The following SCFD2 variants were observed in gnomAD, a reference collection of about 807,000 sequenced individuals.
The protein encoded by SCFD2 is sec1 family domain containing 2.
A neutral mutation model predicts 58.9 loss-of-function variants in SCFD2; 54 were observed. The observed-to-expected ratio is 0.92, with a 90% confidence interval of 0.74 to 1.15. The LOEUF (loss-of-function observed/expected upper bound fraction) is 1.15, where lower values mean the gene tolerates loss of function less well. SCFD2 is among the 50% of genes most tolerant of loss of function. SCFD2 has a pLI of 0.00. For synonymous variants in SCFD2, 321 were observed against 335.9 expected (o/e 0.96, Z 0.49); for missense variants, 805 against 836.6 (o/e 0.96, Z 0.47).
chr4:53,000,766 G>A (rs897604762), intron 5 of SCFD2, among the ~76,000 whole-genome samples: 29 of 152,190 alleles, frequency 1.9e-4, no homozygotes, highest in African/African-American at 6.0e-4. Context: ...TGTTGTTGAG[G>A]ACCTGTTACA....
At chr4:53,260,156 C>T (rs757449392) in intron 4 of SCFD2, among the ~76,000 whole-genome samples, 21 of 152,012 alleles carry the variant, frequency 1.4e-4, no homozygotes, top group Non-Finnish European at 2.5e-4. Flanking sequence ...TTTAGGTATA[C>T]GATCATATCA....
At chr4:52,917,317 G>A (rs571176634) in intron 6 of SCFD2, among the ~76,000 whole-genome samples, 2 of 152,304 alleles carry the variant, frequency 1.3e-5, no homozygotes, top group East Asian at 3.9e-4. Flanking sequence ...ACAGAGACGT[G>A]AAGTTGCTTG....
At chr4:53,287,905 C>A (rs570472980) in intron 3 of SCFD2, among the ~76,000 whole-genome samples, 10 of 151,584 alleles carry the variant, frequency 6.6e-5, no homozygotes, top group Non-Finnish European at 1.3e-4. Flanking sequence ...TAAAAAAGGA[C>A]CAAACAGAAT....
chr4:53,062,767 C>T (rs1277051911), intron 5 of SCFD2, among the ~76,000 whole-genome samples: 3 of 152,138 alleles, frequency 2.0e-5, no homozygotes, highest in African/African-American at 2.4e-5. Context: ...AAAATTATGG[C>T]TGAACAGTGA....
At chr4:53,061,169 T>A (rs895105788) in intron 5 of SCFD2, among the ~76,000 whole-genome samples, 4 of 152,136 alleles carry the variant, frequency 2.6e-5, no homozygotes, top group Non-Finnish European at 5.9e-5. Flanking sequence ...AAACATCAGG[T>A]CTTTCTTGAG....
At chr4:53,208,388 A>G (rs1401031199) in intron 4 of SCFD2, among the ~76,000 whole-genome samples, 1 of 152,146 alleles carries the variant, frequency 6.6e-6, no homozygotes, top group Non-Finnish European at 1.5e-5. Context: ...TGATCTATAC[A>G]TATTTACTAA....
At chr4:53,098,375 T>C (rs1434303191) in intron 5 of SCFD2, among the ~76,000 whole-genome samples, 1 of 152,232 alleles carries the variant, frequency 6.6e-6, no homozygotes, top group Non-Finnish European at 1.5e-5. Context: ...AGGCTATTAA[T>C]TATTGCTTCA....
At chr4:52,944,295 G>A (rs370012384) in intron 5 of SCFD2, among the ~76,000 whole-genome samples, 98 of 152,248 alleles carry the variant, frequency 6.4e-4, no homozygotes, top group African/African-American at 2.2e-3. Flanking sequence ...ATGTTATTGA[G>A]TTCTATACCA....
intron 5 of SCFD2, among the ~76,000 whole-genome samples, chr4:53,139,856 T>C (rs1038720425): frequency 2.0e-5 from 3 of 152,252 alleles, no homozygotes; most frequent in Admixed American, 6.5e-5. Flanking sequence ...TTTTGTTCTA[T>C]ACTAAGAAAA....
At chr4:53,098,135 T>C (rs1403092474) in intron 5 of SCFD2, among the ~76,000 whole-genome samples, 1 of 152,200 alleles carries the variant, frequency 6.6e-6, no homozygotes, top group Non-Finnish European at 1.5e-5. Flanking sequence ...TTATTGAGGA[T>C]TTTTGCATCG....
chr4:52,929,583 C>A (rs989846865), intron 5 of SCFD2, among the ~76,000 whole-genome samples: 1 of 152,108 alleles, frequency 6.6e-6, no homozygotes, highest in African/African-American at 2.4e-5. Flanking sequence ...TGGTGGGAAG[C>A]CTGAAGGAAG....
At chr4:53,297,570 C>T (rs1051824820) in intron 3 of SCFD2, among the ~76,000 whole-genome samples, 12 of 152,082 alleles carry the variant, frequency 7.9e-5, no homozygotes, top group Admixed American at 5.9e-4. Flanking sequence ...GATGGGTCTC[C>T]GGAATACGGC....
chr4:52,907,401 T>A, intron 7 of SCFD2, 56 bp downstream of exon 7: 1 of 1,579,586 alleles, frequency 6.3e-7, no homozygotes, highest in South Asian at 1.1e-5. Flanking sequence ...AGCATTTTCA[T>A]GCCCAGCAAA....
chr4:52,915,251 C>T (rs917038931), intron 6 of SCFD2, among the ~76,000 whole-genome samples: 1 of 152,216 alleles, frequency 6.6e-6, no homozygotes, highest in Non-Finnish European at 1.5e-5. Flanking sequence ...ACATCTCCAT[C>T]AGCTGGGGCT....
chr4:53,032,848 G>C (rs1405082839), intron 5 of SCFD2, among the ~76,000 whole-genome samples: 1 of 152,112 alleles, frequency 6.6e-6, no homozygotes, highest in Non-Finnish European at 1.5e-5. Flanking sequence ...AAGAGACTTA[G>C]ACTCCCACAC....
intron 5 of SCFD2, among the ~76,000 whole-genome samples, chr4:53,046,064 G>T (rs904185441): frequency 1.3e-5 from 2 of 152,032 alleles, no homozygotes; most frequent in African/African-American, 2.4e-5. Flanking sequence ...GCAGAAGTGG[G>T]CCCAGAATGC....
intron 5 of SCFD2, among the ~76,000 whole-genome samples, chr4:53,071,242 C>T (rs1264276995): frequency 6.6e-6 from 1 of 152,066 alleles, no homozygotes; most frequent in Non-Finnish European, 1.5e-5. Flanking sequence ...TCGTACGCAT[C>T]CTGGATGAAT....
At chr4:53,256,060 G>C (rs1189893886) in intron 4 of SCFD2, among the ~76,000 whole-genome samples, 6 of 150,594 alleles carry the variant, frequency 4.0e-5, no homozygotes, top group Non-Finnish European at 8.9e-5. Flanking sequence ...CTGGCCTGGT[G>C]GGGGCTGACC....
chr4:53,118,729 A>T (rs1577743489), intron 5 of SCFD2, among the ~76,000 whole-genome samples: 1 of 152,166 alleles, frequency 6.6e-6, no homozygotes, highest in Non-Finnish European at 1.5e-5. Flanking sequence ...AAGGTCACAG[A>T]CATAATTAGC....
Sources: gnomAD v4.1 joint callset for allele counts (sites outside exome capture counted in the v4.1 genomes callset) on GRCh38, gnomAD v4.1.1 for gene constraint, MANE v1.5 for transcripts, NCBI Gene and HGNC (gene_info 2026-07-23, HGNC 2026-07-21) for gene names.